The following GMDS variants were observed in gnomAD, a reference collection of about 807,000 sequenced individuals.
GMDS encodes the protein GDP-mannose 4,6 dehydratase.
Under a neutral mutation model 49.9 loss-of-function variants are expected in GMDS, and 20 were observed. The observed-to-expected ratio is 0.40, with a 90% CI of 0.28 to 0.58. The LOEUF (loss-of-function observed/expected upper bound fraction) is 0.58. Among genes scored for constraint, GMDS ranks in the 20% least tolerant of loss-of-function variants. The pLI, the probability that GMDS is intolerant of heterozygous loss-of-function variation, is 0.42. For missense variants in GMDS, 362 were observed against 481.4 expected (o/e 0.75, Z 2.32); for synonymous variants, 177 against 178.6 (o/e 0.99, Z 0.07).
chr6:1,792,492 C>T lies in GMDS; in HGVS notation c.772-49906G>A, dbSNP rs114716908. Among the ~76,000 whole-genome samples, 525 of 152,242 alleles carry T rather than the reference C, an allele frequency of 3.4e-3. 2 individuals carry two copies. Among genetic ancestry groups the T allele is most frequent in the Middle Eastern group, 0.01 (3 of 294 alleles). On this transcript the variant is annotated intron_variant, in intron 7 of 10. Coordinates refer to ENST00000380815, the MANE Select transcript of GMDS (RefSeq NM_001500.4). ...TGTTGTCTGCTTGGGACTTCCTTTG[C>T]TGTCATCCTGAGAATTCCCTTCTCT... is the stretch of plus-strand genomic sequence containing the variant.
intron 4 of GMDS, among the ~76,000 whole-genome samples, chr6:2,065,702 G>A (rs962176447): frequency 1.1e-4 from 16 of 152,202 alleles, no homozygotes; most frequent in Admixed American, 2.6e-4. Flanking sequence ...GAAATGAAGC[G>A]AGAAGGGAAG....
intron 4 of GMDS, among the ~76,000 whole-genome samples, chr6:1,992,275 C>T (rs965404423): frequency 1.3e-5 from 2 of 152,152 alleles, no homozygotes; most frequent in East Asian, 1.9e-4. Flanking sequence ...TCCATCTCAC[C>T]CTGTCTAAAA....
In GMDS at chr6:2,046,233, T is replaced by C. The variant is rs952243094; in HGVS notation, c.345+69538A>G. Among the ~76,000 whole-genome samples the C allele has an allele frequency of 2.0e-5, 3 of 152,186 alleles. 1 individual carries two copies. In the South Asian group the frequency reaches 6.2e-4, roughly 32 times the overall value. On this transcript the variant is annotated intron_variant, in intron 4 of 10. Coordinates refer to ENST00000380815, the MANE Select transcript of GMDS (RefSeq NM_001500.4). ...GTCTCAAAAAAGTAAAATAAAATCA[T>C]AGACTAAAGAAAATTAGACAAACCA...
At chr6:1,768,764 G>A (rs2113573811) in intron 7 of GMDS, among the ~76,000 whole-genome samples, 1 of 152,270 alleles carries the variant, frequency 6.6e-6, no homozygotes, top group East Asian at 1.9e-4. Flanking sequence ...TTCAGATAAG[G>A]AATACTCAAT....
At chr6:2,040,575 TA>T (rs1298570575) in intron 4 of GMDS, among the ~76,000 whole-genome samples, 1 of 152,184 alleles carries the variant, frequency 6.6e-6, no homozygotes, top group Non-Finnish European at 1.5e-5. Flanking sequence ...CATTAATTTT[TA>T]AAGTAAAATA....
intron 7 of GMDS, among the ~76,000 whole-genome samples, chr6:1,753,687 C>T (rs888123440): frequency 5.3e-5 from 8 of 152,216 alleles, no homozygotes; most frequent in African/African-American, 1.9e-4. Context: ...AACAGTCTCT[C>T]AGACCACAGT....
intron 1 of GMDS, among the ~76,000 whole-genome samples, chr6:2,237,814 G>A (rs756405784): frequency 2.0e-5 from 3 of 151,938 alleles, no homozygotes; most frequent in Non-Finnish European, 2.9e-5. Context: ...GAGCCACCTC[G>A]CCCCGCCTGG....
At chr6:1,647,028 G>C (rs1429791885) in intron 9 of GMDS, among the ~76,000 whole-genome samples, 1 of 152,218 alleles carries the variant, frequency 6.6e-6, no homozygotes. Context: ...TGGCTAGGGA[G>C]GAAGGATGGC....
At chr6:1,892,404 G>T (rs987478499) in intron 7 of GMDS, among the ~76,000 whole-genome samples, 8 of 152,054 alleles carry the variant, frequency 5.3e-5, no homozygotes, top group African/African-American at 1.9e-4. Flanking sequence ...CTGTTGCCCA[G>T]GGTGGAGTGC....
At chr6:1,641,388 C>T (rs952014263) in intron 9 of GMDS, among the ~76,000 whole-genome samples, 8 of 152,242 alleles carry the variant, frequency 5.3e-5, no homozygotes, top group African/African-American at 1.9e-4. Flanking sequence ...TGGAGCAGCA[C>T]AGCCTGCGTC....
At chr6:2,177,282 T>C (rs1475579367) in intron 1 of GMDS, among the ~76,000 whole-genome samples, 2 of 152,060 alleles carry the variant, frequency 1.3e-5, no homozygotes, top group Non-Finnish European at 2.9e-5. Context: ...ATCAGGAAAG[T>C]AGACTGGGTT....
rs185358191 is a variant in GMDS at position 1,941,798 on chromosome 6, C to T, written c.644-11568G>A. 3.9e-5 allele frequency among the ~76,000 whole-genome samples: 6 copies of T among 152,298 alleles called. No homozygotes were observed. The Middle Eastern group carries it at 0.014, about 345-fold the overall frequency. ...AGGAGGTGGTAGCAGACAGGAGCTC[C>T]AGACAGACAGCTCCTCCAGGGCACA... On this transcript the variant is annotated intron_variant, in intron 6 of 10. Coordinates refer to ENST00000380815, the MANE Select transcript of GMDS (RefSeq NM_001500.4).
intron 7 of GMDS, among the ~76,000 whole-genome samples, chr6:1,923,527 GCT>G (rs1761832411): frequency 6.6e-6 from 1 of 152,192 alleles, no homozygotes; most frequent in Non-Finnish European, 1.5e-5. Context: ...AGCTGGTCTT[GCT>G]CTCTCACGTG....
At chr6:1,654,955 G>A (rs1209572944) in intron 9 of GMDS, among the ~76,000 whole-genome samples, 3 of 151,548 alleles carry the variant, frequency 2.0e-5, no homozygotes, top group Non-Finnish European at 4.4e-5. Flanking sequence ...CAGCTACTCG[G>A]GAGACTGAGG....
At chr6:1,948,661 C>T (rs892848779) in intron 6 of GMDS, among the ~76,000 whole-genome samples, 1 of 151,870 alleles carries the variant, frequency 6.6e-6, no homozygotes, top group Admixed American at 6.6e-5. Flanking sequence ...GGCTGTGTCT[C>T]TATTAAAAAA....
chr6:2,086,022 T>C (rs541344992), intron 4 of GMDS, among the ~76,000 whole-genome samples: 53 of 152,338 alleles, frequency 3.5e-4, no homozygotes, highest in Admixed American at 2.7e-3. Context: ...TGGACACAAC[T>C]CTTCACAGAG....
chr6:1,844,584 A>G (rs1757301811), intron 7 of GMDS, among the ~76,000 whole-genome samples: 1 of 152,226 alleles, frequency 6.6e-6, no homozygotes, highest in Non-Finnish European at 1.5e-5. Context: ...AAAATATTTC[A>G]AAACTTTGTA....
chr6:1,714,017 A>C (rs1200009613), intron 9 of GMDS, among the ~76,000 whole-genome samples: 3 of 152,242 alleles, frequency 2.0e-5, no homozygotes, highest in East Asian at 1.9e-4. Flanking sequence ...TAAGCCCAAC[A>C]CTTTTTCAGA....
intron 4 of GMDS, among the ~76,000 whole-genome samples, chr6:2,014,003 G>A (rs1310257349): frequency 7.0e-6 from 1 of 142,220 alleles, no homozygotes; most frequent in Non-Finnish European, 1.5e-5. Context: ...AGAGTATTTT[G>A]AAAGAAGCTT....
Sources: allele counts gnomAD v4.1 joint callset (sites outside exome capture counted in the v4.1 genomes callset), GRCh38; gene constraint gnomAD v4.1.1; transcripts MANE v1.5; gene names NCBI Gene and HGNC (gene_info 2026-07-23, HGNC 2026-07-21).